Variants in PIEZO2 observed in about 807,000 individuals in gnomAD.
PIEZO2 encodes piezo-type mechanosensitive ion channel component 2.
PIEZO2 carries 172 observed loss-of-function variants against 337.3 expected under a neutral mutation model. The ratio of observed to expected loss-of-function variants is 0.51; its 90% confidence interval spans 0.45 to 0.58. The LOEUF is 0.58. PIEZO2 is among the 20% of genes least tolerant of loss of function. PIEZO2 has a pLI of 0.00. For missense variants in PIEZO2, 3,028 were observed against 3,391.3 expected (o/e 0.89, Z 2.66); for synonymous variants, 1,251 against 1,228.5 (o/e 1.02, Z -0.38).
rs142364104 is a variant in PIEZO2, at chr18:10,672,769, G to C, written c.8266C>G (p.Pro2756Ala). The change falls in exon 55 of 56, where the codon CCG becomes GCG. Residue 2756 changes from proline to alanine, a missense_variant. By Grantham distance (27) the Pro-to-Ala change is conservative. Coordinates refer to ENST00000674853, the MANE Select transcript of PIEZO2 (RefSeq NM_001378183.1). This position sits in a 1 kb window ranked among gnomAD's most constrained non-coding sequence, Gnocchi z 4.7. ...LNLTGNRIYN[P>A]NSQALELVVF... is the part of the protein sequence containing the mutation. ...ACCAGTTCCAGGGCCTGAGAGTTCG[G>C]ATTGTATATTCTGTTTCCAGTCAGG... is the stretch of plus-strand genomic sequence containing the variant. 374 of 1,614,040 alleles carry C rather than the reference G, an allele frequency of 2.3e-4. No homozygotes were observed. The highest frequency in any genetic ancestry group is 2.8e-4 in the Non-Finnish European group (336 of 1,179,988).
chr18:11,091,460 TGAA>T (rs976688210), intron 1 of PIEZO2, among the ~76,000 whole-genome samples: 2 of 151,444 alleles, frequency 1.3e-5, no homozygotes, highest in African/African-American at 4.9e-5. Flanking sequence ...ATAGGTATAA[TGAA>T]GAAAAGCTGT....
chr18:11,122,862 C>G (rs547614465), intron 1 of PIEZO2, among the ~76,000 whole-genome samples: 59 of 151,886 alleles, frequency 3.9e-4, no homozygotes, highest in African/African-American at 1.4e-3. Flanking sequence ...TTATCATTTA[C>G]TTCCCTGAGA....
rs72175382 is a variant in PIEZO2, at chr18:11,039,748, GCACACA to G, written c.160+26373_160+26378del. ...CTTAAGTTGAATCTATTTTAAATAGGCACACACACACACACACACACACACACAAAA... is the reference window on the plus strand; with the variant it reads ...CTTAAGTTGAATCTATTTTAAATAGGCACACACACACACACACACACAAAA... On this transcript the variant is annotated intron_variant, in intron 2 of 55. Coordinates refer to ENST00000674853, the MANE Select transcript of PIEZO2 (RefSeq NM_001378183.1). 1.4e-3 allele frequency among the ~76,000 whole-genome samples: 196 copies of G among 140,566 alleles called. 1 individual carries two copies. The highest frequency in any genetic ancestry group is 4.3e-3 in the African/African-American group (154 of 35,896). 92.2% of individuals were successfully genotyped at this position (140,566 alleles called of 152,430 possible). A position where few individuals can be genotyped will look rare whatever the true frequency, so the allele number is the denominator to read the frequency against.
chr18:10,805,826 G>C (rs950113820), intron 8 of PIEZO2, among the ~76,000 whole-genome samples: 2 of 152,104 alleles, frequency 1.3e-5, no homozygotes, highest in South Asian at 2.1e-4. Flanking sequence ...CACTGAGATG[G>C]GGGGGAGGTA....
chr18:10,742,384 G>A (rs1568007491), intron 32 of PIEZO2, 110 bp downstream of exon 32: 11 of 1,240,460 alleles, frequency 8.9e-6, no homozygotes, highest in East Asian at 2.6e-5. Context: ...TCAAAAAAGT[G>A]TATCGATAAT....
At chr18:10,702,548 G>A (rs1421853128) in intron 42 of PIEZO2, among the ~76,000 whole-genome samples, 2 of 152,134 alleles carry the variant, frequency 1.3e-5, no homozygotes, top group Non-Finnish European at 2.9e-5. Flanking sequence ...GAACATACTC[G>A]TATCTTTCTA....
At chr18:10,826,689 C>T (rs1428495680) in intron 7 of PIEZO2, among the ~76,000 whole-genome samples, 1 of 152,184 alleles carries the variant, frequency 6.6e-6, no homozygotes, top group African/African-American at 2.4e-5. Flanking sequence ...ATTCTGAGAT[C>T]TTCCAACCTC....
At chr18:10,809,939 TA>T (rs1303349002) in intron 7 of PIEZO2, among the ~76,000 whole-genome samples, 3 of 152,164 alleles carry the variant, frequency 2.0e-5, no homozygotes, top group Non-Finnish European at 4.4e-5. Flanking sequence ...GCTTGAGAAG[TA>T]TACAATGACA....
chr18:10,742,801 T>TGTGC lies in PIEZO2; in HGVS notation c.4515-187_4515-186insGCAC, dbSNP rs33975850. Among the ~76,000 whole-genome samples, 43,318 of 146,344 alleles carry TGTGC rather than the reference T, an allele frequency of 0.3. 7,666 individuals carry two copies. Among genetic ancestry groups the TGTGC allele is most frequent in the East Asian group, 0.55 (2,810 of 5,094 alleles). On this transcript the variant is annotated intron_variant, in intron 31 of 55. Coordinates refer to ENST00000674853, the MANE Select transcript of PIEZO2 (RefSeq NM_001378183.1). ...CTCCTTTCTTTTATATACATATTTG[T>TGTGC]GTGTGTGTGTGTGTGTGTGTGTGTG...
At position 10,993,247 on chromosome 18, in the gene PIEZO2, A is replaced by G. The variant is rs868175243; in HGVS notation, c.161-13587T>C. Among the ~76,000 whole-genome samples the G allele has an allele frequency of 1.4e-4, 21 of 152,168 alleles. No homozygotes were observed. The highest frequency in any genetic ancestry group is 1.3e-4 in the Admixed American group (2 of 15,276). On this transcript the variant is annotated intron_variant, in intron 2 of 55. Transcript: ENST00000674853. This position sits in a 1 kb window ranked among gnomAD's most constrained non-coding sequence, Gnocchi z 5.0. ...CTCTTGCCTGATTGCCCTGGCCAGA[A>G]CTTCCAATACTATGTTGAATAGGAG...
intron 7 of PIEZO2, among the ~76,000 whole-genome samples, chr18:10,816,599 C>T (rs1478505339): frequency 6.6e-6 from 1 of 152,090 alleles, no homozygotes; most frequent in Non-Finnish European, 1.5e-5. Flanking sequence ...AGGGGCAACA[C>T]CTAAATACCC....
rs1235900949 is a variant in PIEZO2 at position 11,102,457 on chromosome 18, G to A, written c.65-36235C>T. ...CGAATCTCACCCTGTCCCCCACCAG[G>A]CTGGTGCAGTGGCAGGTGGCCAGCC... On this transcript the variant is annotated intron_variant, in intron 1 of 55. Transcript: ENST00000674853. The surrounding 1 kb of genome is among the most constrained non-coding windows in gnomAD (Gnocchi z 5.7). Among the ~76,000 whole-genome samples the A allele has an allele frequency of 6.6e-6, 1 of 152,146 alleles. No individual in the cohort carries two copies. The highest frequency in any genetic ancestry group is 1.5e-5 in the Non-Finnish European group (1 of 68,020).
intron 3 of PIEZO2, among the ~76,000 whole-genome samples, chr18:10,935,139 T>A (rs2032314071): frequency 6.6e-6 from 1 of 152,236 alleles, no homozygotes; most frequent in African/African-American, 2.4e-5. Context: ...ACCATTTTTT[T>A]AAATGTCATG....
chr18:10,941,246 A>C (rs1444183926), intron 3 of PIEZO2, among the ~76,000 whole-genome samples: 1 of 152,164 alleles, frequency 6.6e-6, no homozygotes, highest in African/African-American at 2.4e-5. Context: ...GAATCCTTAG[A>C]GGACAAAAAC....
rs1455696840 is a variant in PIEZO2 at position 10,903,120 on chromosome 18, T to C, written c.329+8066A>G. Reference sequence around the variant, plus strand: ...TCCTTCCTCCCCTACACGCTGACAGTCAATTATTCACCAAGTTGTAACTTC... The same window carrying C: ...TCCTTCCTCCCCTACACGCTGACAGCCAATTATTCACCAAGTTGTAACTTC... On this transcript the variant is annotated intron_variant, in intron 4 of 55. Transcript: ENST00000674853. This position sits in a 1 kb window ranked among gnomAD's most constrained non-coding sequence, Gnocchi z 4.1. Among the ~76,000 whole-genome samples, 2 of 152,148 alleles carry C rather than the reference T, an allele frequency of 1.3e-5. No homozygotes were observed. The highest frequency in any genetic ancestry group is 2.4e-5 in the African/African-American group (1 of 41,424).
Position 10,982,866 on chromosome 18 carries a change from G to A in PIEZO2, c.161-3206C>T, listed in dbSNP as rs182952261. ...CTTCTGAGTAGCTGGCATTACAGGC[G>A]TGCACTACCAAACCTGACTAATTTT... On this transcript the variant is annotated intron_variant, in intron 2 of 55. Transcript: ENST00000674853. The surrounding 1 kb of genome is among the most constrained non-coding windows in gnomAD (Gnocchi z 4.1). Among the ~76,000 whole-genome samples the A allele has an allele frequency of 5.3e-5, 8 of 152,078 alleles. No homozygotes were observed. Among genetic ancestry groups the A allele is most frequent in the East Asian group, 1.9e-4 (1 of 5,172 alleles).
rs1402440636 is a variant in PIEZO2, at chr18:11,070,132, A to C, written c.65-3910T>G. Among the ~76,000 whole-genome samples, 1 of 152,216 alleles carries C rather than the reference A, an allele frequency of 6.6e-6. No individual in the cohort carries two copies. Among genetic ancestry groups the C allele is most frequent in the Non-Finnish European group, 1.5e-5 (1 of 68,030 alleles). On this transcript the variant is annotated intron_variant, in intron 1 of 55. Coordinates refer to ENST00000674853, the MANE Select transcript of PIEZO2 (RefSeq NM_001378183.1). The surrounding 1 kb of genome is among the most constrained non-coding windows in gnomAD (Gnocchi z 4.3). ...TACATAAACAAAGATGGTATGCCCT[A>C]CTGCACACCTAGACATATGGTGTAG...
At chr18:10,695,150 G>C (rs1336961170) in intron 47 of PIEZO2, among the ~76,000 whole-genome samples, 1 of 152,166 alleles carries the variant, frequency 6.6e-6, no homozygotes, top group African/African-American at 2.4e-5. Context: ...TTTCTTTGCC[G>C]AAATGACCAG....
At chr18:10,946,063 G>C (rs184105959) in intron 3 of PIEZO2, among the ~76,000 whole-genome samples, 36 of 152,232 alleles carry the variant, frequency 2.4e-4, no homozygotes, top group African/African-American at 8.4e-4. Flanking sequence ...CCAAAATCAT[G>C]GCAGAATATT....
Sources: allele counts gnomAD v4.1 joint callset (sites outside exome capture counted in the v4.1 genomes callset), GRCh38; gene constraint gnomAD v4.1.1; non-coding constraint Gnocchi (gnomAD v3.1); transcripts MANE v1.5; gene names NCBI Gene and HGNC (gene_info 2026-07-23, HGNC 2026-07-21).